UBAC2: variants seen among roughly 807,000 people sequenced by gnomAD.
UBAC2 encodes the protein UBA domain containing 2.
In UBAC2, 26 loss-of-function variants were observed where a neutral mutation model predicts 44.0. The observed-to-expected ratio is 0.59, with a 90% CI of 0.43 to 0.82. UBAC2 has a LOEUF of 0.82. UBAC2 is among the 40% of genes least tolerant of loss of function. UBAC2 has a pLI of 0.00. For synonymous variants in UBAC2, 155 were observed against 154.3 expected (o/e 1.00, Z -0.04); for missense variants, 329 against 419.4 (o/e 0.78, Z 1.88).
chr13:99,283,723 T>C (rs1347882585), intron 4 of UBAC2, among the ~76,000 whole-genome samples: 1 of 3,330 alleles, frequency 3.0e-4, no homozygotes, highest in Non-Finnish European at 1.3e-3. Context: ...CTTTTTTTTT[T>C]TTTTTTTTTT....
chr13:99,333,100 G>C (rs1008989533), intron 6 of UBAC2, among the ~76,000 whole-genome samples: 39 of 152,094 alleles, frequency 2.6e-4, no homozygotes, highest in African/African-American at 8.9e-4. Flanking sequence ...CGTCTCTGGG[G>C]GGGGAAGAAA....
chr13:99,243,330 AC>A (rs2043343184), intron 2 of UBAC2, among the ~76,000 whole-genome samples: 4 of 151,152 alleles, frequency 2.6e-5, no homozygotes. Flanking sequence ...AATATTTCAA[AC>A]CTAGTCATAT....
intron 7 of UBAC2, among the ~76,000 whole-genome samples, chr13:99,360,033 T>A (rs1218157805): frequency 6.6e-6 from 1 of 152,258 alleles, no homozygotes; most frequent in African/African-American, 2.4e-5. Context: ...ATGAAGATGC[T>A]TTTGGAAGTC....
intron 7 of UBAC2, among the ~76,000 whole-genome samples, chr13:99,358,284 C>T (rs779543318): frequency 9.9e-5 from 15 of 152,062 alleles, no homozygotes; most frequent in Admixed American, 3.9e-4. Flanking sequence ...TGTAGTCATC[C>T]GAAAAGGCCC....
intron 4 of UBAC2, among the ~76,000 whole-genome samples, chr13:99,266,608 T>G (rs1376617083): frequency 6.6e-6 from 1 of 152,202 alleles, no homozygotes. Flanking sequence ...AGATTCCATT[T>G]TAACTCTTAT....
In UBAC2 at chr13:99,215,699, G is replaced by GC. The variant is rs544240761; in HGVS notation, c.31+14761dup. ...GGAACTGCAAGCCGGCTCTCTGCGA[G>GC]CGGGAAACCGCCTTTGTCTTGGCCT... On this transcript the variant is annotated intron_variant, in intron 1 of 8. Coordinates refer to ENST00000403766, the MANE Select transcript of UBAC2 (RefSeq NM_001144072.2). 1.5e-4 allele frequency: 221 copies of GC among 1,499,234 alleles called. 1 individual carries two copies. In the East Asian group the frequency reaches 4.6e-3, roughly 31 times the overall value. The allele number at this position is 1,499,234 out of a possible 1,614,324, so 92.9% of individuals were successfully genotyped here. A position where few individuals can be genotyped will look rare whatever the true frequency, so the allele number is the denominator to read the frequency against.
chr13:99,376,520 C>T (rs2045482012), intron 8 of UBAC2, among the ~76,000 whole-genome samples: 1 of 152,262 alleles, frequency 6.6e-6, no homozygotes, highest in African/African-American at 2.4e-5. Context: ...GCACCAGCTG[C>T]ACCTTGGTGT....
intron 6 of UBAC2, among the ~76,000 whole-genome samples, chr13:99,333,353 A>T (rs2044743734): frequency 6.6e-6 from 1 of 152,268 alleles, no homozygotes; most frequent in Non-Finnish European, 1.5e-5. Flanking sequence ...TGCCAGTGAC[A>T]TGGACAAGTG....
chr13:99,286,129 T>TA (rs368759384), intron 4 of UBAC2, among the ~76,000 whole-genome samples: 9 of 152,232 alleles, frequency 5.9e-5, no homozygotes, highest in African/African-American at 2.2e-4. Flanking sequence ...TCAGCAATTG[T>TA]ATAAGCACCG....
chr13:99,290,716 C>T (rs1482083260), intron 4 of UBAC2, among the ~76,000 whole-genome samples: 3 of 145,744 alleles, frequency 2.1e-5, no homozygotes, highest in Non-Finnish European at 4.5e-5. Context: ...CAGCGAGACA[C>T]CGTTTCACCA....
intron 6 of UBAC2, among the ~76,000 whole-genome samples, chr13:99,321,088 T>C (rs2044561681): frequency 6.6e-6 from 1 of 152,264 alleles, no homozygotes; most frequent in African/African-American, 2.4e-5. Flanking sequence ...AGTAATTCAC[T>C]TAACCATGTG....
At chr13:99,366,163 G>GT (rs2045328031) in intron 7 of UBAC2, among the ~76,000 whole-genome samples, 1 of 152,120 alleles carries the variant, frequency 6.6e-6, no homozygotes, top group South Asian at 2.1e-4. Flanking sequence ...TTTCACATCT[G>GT]TTTTTTCTCA....
At chr13:99,247,376 G>A (rs574075239) in intron 4 of UBAC2, among the ~76,000 whole-genome samples, 6 of 151,418 alleles carry the variant, frequency 4.0e-5, no homozygotes, top group Admixed American at 3.9e-4. Context: ...TACCACGCCC[G>A]GCTAATTTTT....
intron 8 of UBAC2, chr13:99,377,016 AC>A (rs1279258027): frequency 6.6e-6 from 1 of 152,338 alleles, no homozygotes; most frequent in East Asian, 1.9e-4. Context: ...GCCTCCACTC[AC>A]GCCAGAACAA....
chr13:99,351,059 A>C (rs2045079228), intron 7 of UBAC2, among the ~76,000 whole-genome samples: 1 of 152,248 alleles, frequency 6.6e-6, no homozygotes, highest in South Asian at 2.1e-4. Flanking sequence ...ATATAATGAA[A>C]AGAACAAGAA....
intron 5 of UBAC2, among the ~76,000 whole-genome samples, chr13:99,317,367 C>T (rs573058306): frequency 7.3e-4 from 111 of 152,096 alleles, no homozygotes; most frequent in African/African-American, 2.6e-3. Flanking sequence ...TTTTTAATTA[C>T]CCTGAGCACA....
At chr13:99,266,106 T>C (rs75612227) in intron 4 of UBAC2, among the ~76,000 whole-genome samples, 1 of 152,266 alleles carries the variant, frequency 6.6e-6, no homozygotes, top group Non-Finnish European at 1.5e-5. Context: ...CTTTACCCCT[T>C]CTAAAGTCTC....
intron 1 of UBAC2, among the ~76,000 whole-genome samples, chr13:99,232,420 A>ATATATATATAT (rs1438082766): frequency 7.0e-6 from 1 of 142,622 alleles, no homozygotes. Context: ...ATATATATAT[A>ATATATATATAT]TTCACACACA....
chr13:99,247,964 T>C (rs1273348273), intron 4 of UBAC2, among the ~76,000 whole-genome samples: 1 of 152,120 alleles, frequency 6.6e-6, no homozygotes, highest in Non-Finnish European at 1.5e-5. Flanking sequence ...CCATCCTCTT[T>C]AACCTTTCAG....
Sources: allele counts gnomAD v4.1 joint callset (sites outside exome capture counted in the v4.1 genomes callset), GRCh38; gene constraint gnomAD v4.1.1; transcripts MANE v1.5; gene names NCBI Gene and HGNC (gene_info 2026-07-23, HGNC 2026-07-21).